SAMSN1: variants seen among roughly 807,000 people sequenced by gnomAD.
The protein encoded by SAMSN1 is SAM domain-containing protein SAMSN-1.
In SAMSN1, 31 loss-of-function variants were observed where a neutral mutation model predicts 42.0. The observed-to-expected ratio is 0.74, with a 90% CI of 0.55 to 1.00. The LOEUF (loss-of-function observed/expected upper bound fraction) is 1.00, where lower values mean the gene tolerates loss of function less well. Among genes scored for constraint, SAMSN1 ranks in the 50% least tolerant of loss-of-function variants. SAMSN1 has a pLI of 0.00. For synonymous variants in SAMSN1, 178 were observed against 151.9 expected, an observed-to-expected ratio of 1.17 and a Z score of -1.26; for missense variants, 464 against 439.4, an observed-to-expected ratio of 1.06 and a Z score of -0.50.
intron 2 of SAMSN1, among the ~76,000 whole-genome samples, chr21:14,635,115 A>G (rs747122680): frequency 8.5e-5 from 13 of 152,156 alleles, no homozygotes; most frequent in Non-Finnish European, 1.6e-4. Flanking sequence ...CTCACTCATA[A>G]GTGGGAGTTG....
intron 2 of SAMSN1, among the ~76,000 whole-genome samples, chr21:14,570,047 C>G (rs1462227207): frequency 1.3e-5 from 2 of 151,288 alleles, no homozygotes; most frequent in Non-Finnish European, 2.9e-5. Flanking sequence ...ATCAATCATT[C>G]TGGGTTCACA....
At chr21:14,487,635 A>AT (rs1436061315) in intron 7 of SAMSN1, among the ~76,000 whole-genome samples, 1 of 152,168 alleles carries the variant, frequency 6.6e-6, no homozygotes, top group Non-Finnish European at 1.5e-5. Context: ...GAAGAAAATG[A>AT]TAAAAATTGC....
intron 1 of SAMSN1, among the ~76,000 whole-genome samples, chr21:14,643,785 C>T (rs1983651828): frequency 6.6e-6 from 1 of 152,166 alleles, no homozygotes; most frequent in Non-Finnish European, 1.5e-5. Context: ...ATAGAAAAAA[C>T]AGTCCCGAAT....
chr21:14,592,296 A>G (rs530971398), intron 7 of SAMSN1: 9 of 148,854 alleles, frequency 6.0e-5, no homozygotes, highest in African/African-American at 2.1e-4. Flanking sequence ...ATTAATTTTT[A>G]TTAAGTATCT....
intron 2 of SAMSN1, among the ~76,000 whole-genome samples, chr21:14,569,130 A>T (rs3891703): frequency 3.7e-4 from 9 of 24,120 alleles, no homozygotes; most frequent in African/African-American, 2.5e-3. Context: ...ATTTCTATTT[A>T]AAAAAAAAAA....
chr21:14,643,522 G>T (rs561015362), intron 1 of SAMSN1, among the ~76,000 whole-genome samples: 43 of 152,224 alleles, frequency 2.8e-4, no homozygotes, highest in African/African-American at 1.0e-3. Flanking sequence ...TCTCTAATTG[G>T]TACCACCTCC....
intron 3 of SAMSN1, among the ~76,000 whole-genome samples, chr21:14,515,057 C>G (rs182829156): frequency 7.9e-5 from 12 of 152,012 alleles, no homozygotes; most frequent in Admixed American, 4.6e-4. Flanking sequence ...ATGCCAGAAG[C>G]ATGCCTAGTC....
chr21:14,599,802 A>C (rs1296125764), intron 6 of SAMSN1, among the ~76,000 whole-genome samples: 1 of 152,140 alleles, frequency 6.6e-6, no homozygotes, highest in East Asian at 1.9e-4. Flanking sequence ...AGCCATCATA[A>C]TTGTGACCCA....
intron 1 of SAMSN1, among the ~76,000 whole-genome samples, chr21:14,533,003 T>C (rs1351350054): frequency 1.3e-5 from 2 of 152,122 alleles, no homozygotes; most frequent in African/African-American, 4.8e-5. Flanking sequence ...AACCTTGAAC[T>C]CCTAGGCTCC....
At chr21:14,549,551 A>T (rs1348831854), upstream of SAMSN1, among the ~76,000 whole-genome samples, 1 of 152,124 alleles carries the variant, frequency 6.6e-6, no homozygotes, top group East Asian at 1.9e-4. Context: ...TCTAACCAAA[A>T]ATACTCCTGA....
chr21:14,519,170 G>A (rs114854289), intron 2 of SAMSN1, among the ~76,000 whole-genome samples: 181 of 152,270 alleles, frequency 1.2e-3, no homozygotes, highest in African/African-American at 4.2e-3. Context: ...CTCCAGGCAT[G>A]AAGTAAGGAT....
At chr21:14,644,204 G>C (rs183151061) in intron 1 of SAMSN1, among the ~76,000 whole-genome samples, 55 of 152,232 alleles carry the variant, frequency 3.6e-4, no homozygotes, top group African/African-American at 1.3e-3. Flanking sequence ...CCAAGGGAGT[G>C]CAGGCATCAC....
At chr21:14,513,530 T>C (rs1429563826) in intron 3 of SAMSN1, among the ~76,000 whole-genome samples, 1 of 152,160 alleles carries the variant, frequency 6.6e-6, no homozygotes, top group Non-Finnish European at 1.5e-5. Flanking sequence ...CGTGTGTGTG[T>C]GTCTGTGTAG....
rs181683736 is a variant in SAMSN1 at position 14,606,126 on chromosome 21, C to T, written c.322+3356G>A. Among the ~76,000 whole-genome samples, 115 of 152,252 alleles carry T rather than the reference C, an allele frequency of 7.6e-4. 1 individual carries two copies. The South Asian group carries it at 8.3e-3, about 11-fold the overall frequency. On this transcript the variant is annotated intron_variant, in intron 5 of 15. Coordinates refer to the SAMSN1 transcript ENST00000647101. ...AAGTGCTGGGATTACAGGCGTGAACCACTGCGCCCGGTCAAGAAGATTTAT... is the reference window on the plus strand; with the variant it reads ...AAGTGCTGGGATTACAGGCGTGAACTACTGCGCCCGGTCAAGAAGATTTAT...
At chr21:14,651,071 C>T (rs1202718971) in intron 1 of SAMSN1, among the ~76,000 whole-genome samples, 1 of 151,902 alleles carries the variant, frequency 6.6e-6, no homozygotes, top group Non-Finnish European at 1.5e-5. Flanking sequence ...CAGAACCTGA[C>T]AGCTTCACTT....
At chr21:14,595,678 A>G (rs1228244772) in intron 6 of SAMSN1, among the ~76,000 whole-genome samples, 1 of 152,196 alleles carries the variant, frequency 6.6e-6, no homozygotes, top group Non-Finnish European at 1.5e-5. Flanking sequence ...AGTTTAAGCA[A>G]CAAGTTTAAA....
intron 2 of SAMSN1, among the ~76,000 whole-genome samples, chr21:14,618,695 C>CGT (rs1555844337): frequency 8.4e-5 from 9 of 107,498 alleles, no homozygotes; most frequent in South Asian, 2.8e-4. Context: ...TGTGTGTGCG[C>CGT]GCGCGCGCAC....
At chr21:14,613,794 A>T (rs917042495) in intron 3 of SAMSN1, among the ~76,000 whole-genome samples, 1 of 152,168 alleles carries the variant, frequency 6.6e-6, no homozygotes, top group African/African-American at 2.4e-5. Flanking sequence ...CTGAAGACCA[A>T]CTTTTAAATA....
At chr21:14,587,802 T>G (rs554871783), upstream of SAMSN1, among the ~76,000 whole-genome samples, 1 of 151,908 alleles carries the variant, frequency 6.6e-6, no homozygotes, top group East Asian at 1.9e-4. Context: ...AGTTTTAGGG[T>G]ACATGTGCAC....
Sources: gnomAD v4.1 joint callset for allele counts (sites outside exome capture counted in the v4.1 genomes callset) on GRCh38, gnomAD v4.1.1 for gene constraint, MANE v1.5 for transcripts, NCBI Gene and HGNC (gene_info 2026-07-23, HGNC 2026-07-21) for gene names.